Variants in FBXL2 observed in about 807,000 individuals in gnomAD.
The protein encoded by FBXL2 is F-box and leucine rich repeat protein 2, also known as F-box/LRR-repeat protein 2.
A neutral mutation model predicts 69.2 loss-of-function variants in FBXL2; 38 were observed. The observed-to-expected ratio is 0.55, with a 90% CI of 0.42 to 0.72. The LOEUF (loss-of-function observed/expected upper bound fraction) is 0.72. Ranked by LOEUF, FBXL2 falls within the 30% of genes least tolerant of loss-of-function variation. FBXL2 has a pLI of 0.00. For missense variants in FBXL2, 354 were observed against 520.3 expected, an observed-to-expected ratio of 0.68 and a Z score of 3.11; for synonymous variants, 192 against 201.3, an observed-to-expected ratio of 0.95 and a Z score of 0.39.
At chr3:33,358,288 A>G (rs1261995967) in intron 2 of FBXL2, among the ~76,000 whole-genome samples, 1 of 152,188 alleles carries the variant, frequency 6.6e-6, no homozygotes, top group African/African-American at 2.4e-5. Flanking sequence ...TTGCTCACAT[A>G]CTATGAGCAG....
rs549707273 is a variant in FBXL2, at chr3:33,286,974, C to A, written c.3+9459C>A. On this transcript the variant is annotated intron_variant, in intron 1 of 14. Transcript: ENST00000484457. Reference sequence around the variant, plus strand: ...GGCTAGGAGAGGGAACTCCCCGACCCCTTGCGCTTTCCAGGTGAGGCAATG... The same window carrying A: ...GGCTAGGAGAGGGAACTCCCCGACCACTTGCGCTTTCCAGGTGAGGCAATG... 2.0e-3 allele frequency among the ~76,000 whole-genome samples: 299 copies of A among 152,318 alleles called. 1 individual carries two copies. Among genetic ancestry groups the A allele is most frequent in the African/African-American group, 6.4e-3 (264 of 41,564 alleles).
intron 1 of FBXL2, among the ~76,000 whole-genome samples, chr3:33,297,006 A>C (rs1287870820): frequency 1.3e-5 from 2 of 152,162 alleles, no homozygotes; most frequent in African/African-American, 4.8e-5. Flanking sequence ...TAACACTAGT[A>C]AGTCTTTCAG....
chr3:33,327,433 C>A (rs2038787684), intron 2 of FBXL2, among the ~76,000 whole-genome samples: 1 of 152,030 alleles, frequency 6.6e-6, no homozygotes, highest in African/African-American at 2.4e-5. Context: ...AATCCACCCC[C>A]AAAAATCCCT....
At chr3:33,283,214 T>G (rs1167051858) in intron 1 of FBXL2, among the ~76,000 whole-genome samples, 3 of 152,252 alleles carry the variant, frequency 2.0e-5, no homozygotes, top group Non-Finnish European at 4.4e-5. Flanking sequence ...TATTTTGAGA[T>G]ATGTTCCATC....
chr3:33,310,207 A>G (rs1309258411), intron 2 of FBXL2, among the ~76,000 whole-genome samples: 2 of 151,884 alleles, frequency 1.3e-5, no homozygotes, highest in East Asian at 3.9e-4. Context: ...GCTGGAGTGC[A>G]GTGGTGCGAT....
chr3:33,414,158 T>C, the FBXL2 span: 10 of 152,160 alleles, frequency 6.6e-5, no homozygotes, highest in South Asian at 8.3e-4. Flanking sequence ...TCTAGCATTA[T>C]ATAGCTTTTA....
chr3:33,393,809 T>C (rs192473053), intron 12 of FBXL2, among the ~76,000 whole-genome samples: 234 of 152,290 alleles, frequency 1.5e-3, no homozygotes, highest in Non-Finnish European at 2.5e-3. Context: ...CAAATGGACA[T>C]GGGGGATCTT....
chr3:33,417,039 TTC>T, the FBXL2 span, among the ~76,000 whole-genome samples: 1 of 152,236 alleles, frequency 6.6e-6, no homozygotes, highest in Non-Finnish European at 1.5e-5. Flanking sequence ...AGACAAGAGT[TTC>T]TCTGTCAATT....
intron 1 of FBXL2, among the ~76,000 whole-genome samples, chr3:33,294,271 A>T (rs969839719): frequency 2.0e-5 from 3 of 151,558 alleles, no homozygotes; most frequent in African/African-American, 4.8e-5. Flanking sequence ...TGATTTTTAA[A>T]TTTTTTTGTA....
chr3:33,377,191 C>T (rs1420104739), intron 10 of FBXL2, 82 bp from the exon 11 acceptor site: 1 of 1,321,034 alleles, frequency 7.6e-7, no homozygotes, highest in Admixed American at 1.7e-5. Flanking sequence ...GCAGAAAAGA[C>T]TCAAGTATGC....
chr3:33,280,649 G>A (rs553432427), intron 1 of FBXL2, among the ~76,000 whole-genome samples: 1 of 150,180 alleles, frequency 6.7e-6, no homozygotes, highest in East Asian at 2.0e-4. Flanking sequence ...GGAGCTCAAG[G>A]CTGTGCTGAA....
chr3:33,308,439 A>G (rs1187737159), intron 2 of FBXL2, among the ~76,000 whole-genome samples: 1 of 152,196 alleles, frequency 6.6e-6, no homozygotes. Flanking sequence ...GCTCATTCCA[A>G]TTTAGGACTA....
intron 1 of FBXL2, among the ~76,000 whole-genome samples, chr3:33,292,801 GATCA>G (rs113345043): frequency 0.099 from 15,078 of 151,942 alleles, 765 homozygotes; most frequent in African/African-American, 0.12. Flanking sequence ...ACCCTTGTTA[GATCA>G]ATCAAAAGAC....
At chr3:33,410,023 C>A in the FBXL2 span, among the ~76,000 whole-genome samples, 2 of 152,170 alleles carry the variant, frequency 1.3e-5, no homozygotes, top group Admixed American at 6.5e-5. Flanking sequence ...CTGCCATTAC[C>A]CCTATTCTAC....
downstream of FBXL2, chr3:33,392,962 A>G: frequency 6.4e-6 from 2 of 313,016 alleles, no homozygotes; most frequent in Non-Finnish European, 1.2e-5. Flanking sequence ...TATATCTTAC[A>G]TGTTTTTTTA....
At chr3:33,415,237 C>T in the FBXL2 span, among the ~76,000 whole-genome samples, 17 of 152,342 alleles carry the variant, frequency 1.1e-4, no homozygotes, top group Non-Finnish European at 2.1e-4. Context: ...GCCAGCTTGT[C>T]TCCACTGATA....
At chr3:33,303,405 C>A (rs569824570) in intron 2 of FBXL2, among the ~76,000 whole-genome samples, 6 of 152,180 alleles carry the variant, frequency 3.9e-5, no homozygotes, top group Admixed American at 3.9e-4. Context: ...GCACCAAGGT[C>A]CAAATTGGCA....
chr3:33,310,372 C>T (rs997032689), intron 2 of FBXL2, among the ~76,000 whole-genome samples: 2 of 152,026 alleles, frequency 1.3e-5, no homozygotes, highest in Non-Finnish European at 2.9e-5. Context: ...AGGCTGGTCT[C>T]GAACTCCTGA....
chr3:33,388,637 C>T (rs917641184), downstream of FBXL2: 3 of 152,158 alleles, frequency 2.0e-5, no homozygotes, highest in South Asian at 2.1e-4. Flanking sequence ...TTAAAACAAA[C>T]GAGATAAACT....
Sources: gnomAD v4.1 joint callset for allele counts (sites outside exome capture counted in the v4.1 genomes callset) on GRCh38, gnomAD v4.1.1 for gene constraint, MANE v1.5 for transcripts, NCBI Gene and HGNC (gene_info 2026-07-23, HGNC 2026-07-21) for gene names.